THRAP3: variants seen among roughly 807,000 people sequenced by gnomAD.
THRAP3 encodes the protein thyroid hormone receptor associated protein 3.
THRAP3 carries 16 observed loss-of-function variants against 101.0 expected under a neutral mutation model. The observed-to-expected ratio is 0.16, with a 90% CI of 0.11 to 0.24. THRAP3 has a LOEUF of 0.24. THRAP3 is among the 10% of genes least tolerant of loss of function. The pLI is 1.00. For synonymous variants in THRAP3, 407 were observed against 422.6 expected, an observed-to-expected ratio of 0.96 and a Z score of 0.45; for missense variants, 989 against 1,202.7, an observed-to-expected ratio of 0.82 and a Z score of 2.63.
intron 1 of THRAP3, among the ~76,000 whole-genome samples, chr1:36,258,830 C>G (rs937401077): frequency 1.3e-5 from 2 of 152,180 alleles, no homozygotes; most frequent in Non-Finnish European, 2.9e-5. Flanking sequence ...ATCTAATTAC[C>G]TACATGAGCT....
chr1:36,210,572 T>G, the THRAP3 span, among the ~76,000 whole-genome samples: 2 of 138,838 alleles, frequency 1.4e-5, no homozygotes, highest in Admixed American at 7.5e-5. Flanking sequence ...GCGCCTGTAA[T>G]CCCGGCTACT....
chr1:36,277,401 T>C (rs1645674557), intron 2 of THRAP3, among the ~76,000 whole-genome samples: 1 of 151,952 alleles, frequency 6.6e-6, no homozygotes, highest in Admixed American at 6.6e-5. Context: ...GGTTTCGCCA[T>C]GTTGGTCAGG....
In THRAP3 at chr1:36,286,701, C is replaced by T; in HGVS notation, c.471C>T (p.Ser157=). 1.2e-6 allele frequency: 2 copies of T among 1,614,238 alleles called. No homozygotes were observed. Among genetic ancestry groups the T allele is most frequent in the Non-Finnish European group, 8.5e-7 (1 of 1,180,040 alleles). The change falls in exon 4 of 12, where the codon TCC becomes TCT. Residue 157 remains serine, a synonymous_variant. Transcript: ENST00000354618. This position sits in a 1 kb window ranked among gnomAD's most constrained non-coding sequence, Gnocchi z 5.5. ...DKSSSDRSRR[S]SSSRSSSNHS... is the part of the protein sequence containing the mutation. ...CGTCTTCTGACCGGTCAAGGCGCTC[C>T]TCATCCTCCCGTTCTTCCTCCAACC...
At position 36,290,258 on chromosome 1, in the gene THRAP3, C is replaced by T. The variant is rs547159958; in HGVS notation, c.1745+494C>T. On this transcript the variant is annotated intron_variant, in intron 5 of 11. Transcript: ENST00000354618. ...TCACCCAGGCTGGAGTGCAGTGGCG[C>T]GATCTCCACTCACCGCAAGCTCCGC... Among the ~76,000 whole-genome samples the T allele has an allele frequency of 1.2e-4, 18 of 151,512 alleles. No individual in the cohort carries two copies. In the South Asian group the frequency reaches 3.8e-3, roughly 32 times the overall value.
At chr1:36,252,967 T>TAA (rs1263373812) in intron 1 of THRAP3, among the ~76,000 whole-genome samples, 2 of 128,018 alleles carry the variant, frequency 1.6e-5, no homozygotes, top group East Asian at 4.3e-4. Flanking sequence ...TATATATATA[T>TAA]ATAAATGTAA....
Position 36,286,729 on chromosome 1 carries a change from A to G in THRAP3, c.499A>G (p.Ser167Gly). Reference sequence around the variant, plus strand: ...ATCCTCCCGTTCTTCCTCCAACCATAGCCGAGTTGAATCTTCTAAGCGCAA... The same window carrying G: ...ATCCTCCCGTTCTTCCTCCAACCATGGCCGAGTTGAATCTTCTAAGCGCAA... ...SSSSRSSSNHSRVESSKRKSA... is the reference protein window; with the variant it reads ...SSSSRSSSNHGRVESSKRKSA... The change falls in exon 4 of 12, where the codon AGC (serine) becomes GGC (glycine). Residue 167 changes from serine (S) to glycine (G), a missense_variant. Transcript: ENST00000354618. The surrounding 1 kb of genome is among the most constrained non-coding windows in gnomAD (Gnocchi z 5.5). The G allele has an allele frequency of 6.2e-7, 1 of 1,614,172 alleles. No homozygotes were observed. The highest frequency in any genetic ancestry group is 8.5e-7 in the Non-Finnish European group (1 of 1,180,030).
chr1:36,228,394 T>C (rs1644987118), intron 1 of THRAP3, among the ~76,000 whole-genome samples: 1 of 152,196 alleles, frequency 6.6e-6, no homozygotes, highest in Non-Finnish European at 1.5e-5. Context: ...ATTTTTGTAT[T>C]TTTAGTAGAG....
rs759603670 is a variant in THRAP3 at position 36,291,546 on chromosome 1, G to C, written c.1918G>C (p.Glu640Gln). The stretch of plus-strand genomic sequence containing the variant: ...AGTGACCATTGTTCACCATGTTAAA[G>C]GTGAGTCCAGACCCTGGCCTGCTTC... ...HIVTIVHHVK[E>Q]HHFGSSGMTL... The change falls in exon 6 of 12, where the codon GAG (glutamate) becomes CAG (glutamine). Residue 640 changes from glutamate (E) to glutamine (Q), a missense_variant and splice_region_variant. By Grantham distance (29) the Glu-to-Gln change is conservative. Transcript: ENST00000354618. 1 of 1,614,020 alleles carries C rather than the reference G, an allele frequency of 6.2e-7. No homozygotes were observed. The highest frequency in any genetic ancestry group is 8.5e-7 in the Non-Finnish European group (1 of 1,180,008).
intron 6 of THRAP3, 98 bp from the exon 7 acceptor site, chr1:36,292,500 G>A (rs1645888787): frequency 5.0e-6 from 4 of 795,280 alleles, no homozygotes; most frequent in Non-Finnish European, 8.2e-6. Flanking sequence ...TCGATCTCTT[G>A]ACCTCGTGAT....
intron 5 of THRAP3, 97 bp from the exon 6 acceptor site, chr1:36,291,277 A>G (rs1645864777): frequency 5.5e-6 from 7 of 1,275,056 alleles, no homozygotes; most frequent in Non-Finnish European, 6.4e-6. Flanking sequence ...AGAAGTTTAT[A>G]GATAGATTTA....
chr1:36,212,879 A>G, the THRAP3 span, among the ~76,000 whole-genome samples: 2 of 152,156 alleles, frequency 1.3e-5, no homozygotes, highest in Non-Finnish European at 2.9e-5. Context: ...TGACAAACGC[A>G]GTTGGTGTTG....
intron 2 of THRAP3, among the ~76,000 whole-genome samples, chr1:36,273,845 A>G (rs1645620289): frequency 6.6e-6 from 1 of 152,186 alleles, no homozygotes; most frequent in African/African-American, 2.4e-5. Context: ...GTTTGAGACC[A>G]GCCTGGCCAA....
At chr1:36,279,722 A>G (rs928577969) in intron 2 of THRAP3, among the ~76,000 whole-genome samples, 6 of 152,146 alleles carry the variant, frequency 3.9e-5, no homozygotes, top group African/African-American at 1.4e-4. Context: ...TTATGTCTCT[A>G]AGATTTTGCT....
At chr1:36,290,492 ATC>A (rs1291607398) in intron 5 of THRAP3, among the ~76,000 whole-genome samples, 2 of 132,506 alleles carry the variant, frequency 1.5e-5, no homozygotes, top group African/African-American at 5.8e-5. Flanking sequence ...CCAGCCCAGA[ATC>A]TCTCTCTGTC....
In THRAP3 at chr1:36,289,499, T is replaced by G; in HGVS notation, c.1480T>G (p.Ser494Ala). The change falls in exon 5 of 12, where the codon TCT becomes GCT. Residue 494 changes from serine to alanine, a missense_variant. Physicochemically the swap from Ser to Ala is moderately conservative, Grantham distance 99 (BLOSUM62 1). Coordinates refer to ENST00000354618, the MANE Select transcript of THRAP3 (RefSeq NM_005119.4). The part of the protein sequence containing the change: ...QRKTEELEEE[S>A]FPERSKKEDR... ...AAAAACAGAGGAGCTGGAGGAGGAG[T>G]CTTTCCCAGAGAGATCCAAAAAGGA... is the stretch of plus-strand genomic sequence containing the variant. 6.2e-7 allele frequency: 1 copy of G among 1,611,540 alleles called. No individual in the cohort carries two copies. Among genetic ancestry groups the G allele is most frequent in the Non-Finnish European group, 8.5e-7 (1 of 1,179,256 alleles).
chr1:36,286,031 CTAT>C lies in THRAP3; in HGVS notation c.138-330_138-328del, dbSNP rs1645791858. Among the ~76,000 whole-genome samples the C allele has an allele frequency of 6.6e-6, 1 of 152,116 alleles. No homozygotes were observed. Among genetic ancestry groups the C allele is most frequent in the Non-Finnish European group, 1.5e-5 (1 of 68,022 alleles). On this transcript the variant is annotated intron_variant, in intron 3 of 11. Transcript: ENST00000354618. The surrounding 1 kb of genome is among the most constrained non-coding windows in gnomAD (Gnocchi z 5.5). ...ATCCCCGTGCCTGTGAAACTGTAAGCTATTATTATGGTATATTAAAATGGTCTT... is the reference window on the plus strand; with the variant it reads ...ATCCCCGTGCCTGTGAAACTGTAAGCTATTATGGTATATTAAAATGGTCTT...
rs1422142748 is a variant in THRAP3 at position 36,303,999 on chromosome 1, A to G, written c.2850A>G (p.Ile950Met). Residue 950 changes from isoleucine (I) to methionine (M), a missense_variant, in exon 12 of 12, where the codon ATA (isoleucine) becomes ATG (methionine). Coordinates refer to ENST00000354618, the MANE Select transcript of THRAP3 (RefSeq NM_005119.4). ...GTENREEKDN[I>M]QPTTE ...AGAACCGAGAAGAGAAGGACAATAT[A>G]CAGCCCACAACCGAGTAGGGGCCAC... The G allele has an allele frequency of 1.3e-6, 2 of 1,563,114 alleles. No homozygotes were observed. The highest frequency in any genetic ancestry group is 1.9e-5 in the Admixed American group (1 of 52,018).
In THRAP3 at chr1:36,230,141, G is replaced by A. The variant is rs866717672; in HGVS notation, c.-135+5636G>A. Among the ~76,000 whole-genome samples, 18 of 149,522 alleles carry A rather than the reference G, an allele frequency of 1.2e-4. No homozygotes were observed. The Middle Eastern group carries it at 0.014, about 115-fold the overall frequency. On this transcript the variant is annotated intron_variant, in intron 1 of 11. Transcript: ENST00000354618. ...GGTTAATTTTTTTTCTTTTTTTTTA[G>A]ACGGAGTTTTGTTCTTGTCCAGGCT...
rs1645747039 is a variant in THRAP3, at chr1:36,282,592, G to T, written c.29G>T (p.Gly10Val). The T allele has an allele frequency of 1.2e-6, 2 of 1,613,858 alleles. No homozygotes were observed. Among genetic ancestry groups the T allele is most frequent in the South Asian group, 2.2e-5 (2 of 91,072 alleles). The change falls in exon 3 of 12, where the codon GGA (glycine) becomes GTA (valine). Residue 10 changes from glycine (G) to valine (V), a missense_variant. Coordinates refer to ENST00000354618, the MANE Select transcript of THRAP3 (RefSeq NM_005119.4). MSKTNKSKS[G>V]SRSSRSRSAS... Reference sequence around the variant, plus strand: ...TCAAAAACAAACAAATCCAAGTCTGGATCTCGCTCTTCTCGCTCAAGATCT... The same window carrying T: ...TCAAAAACAAACAAATCCAAGTCTGTATCTCGCTCTTCTCGCTCAAGATCT...
Sources: allele counts gnomAD v4.1 joint callset (sites outside exome capture counted in the v4.1 genomes callset), GRCh38; gene constraint gnomAD v4.1.1; non-coding constraint Gnocchi (gnomAD v3.1); transcripts MANE v1.5; gene names NCBI Gene and HGNC (gene_info 2026-07-23, HGNC 2026-07-21).